Variants in TRANK1 observed in about 807,000 individuals in gnomAD.
The protein encoded by TRANK1 is TPR and ankyrin repeat-containing protein 1.
A neutral mutation model predicts 266.0 loss-of-function variants in TRANK1; 198 were observed. The observed-to-expected ratio is 0.74, with a 90% CI of 0.66 to 0.84. The LOEUF is 0.84. Among genes scored for constraint, TRANK1 ranks in the 40% least tolerant of loss-of-function variants. TRANK1 has a pLI of 0.00. For missense variants in TRANK1, 3,326 were observed against 3,634.6 expected, an observed-to-expected ratio of 0.92 and a Z score of 2.18; for synonymous variants, 1,396 against 1,384.1, an observed-to-expected ratio of 1.01 and a Z score of -0.19.
intron 8 of TRANK1, 108 bp from the exon 9 acceptor site, chr3:36,874,404 G>T: frequency 1.6e-6 from 2 of 1,230,032 alleles, no homozygotes; most frequent in Non-Finnish European, 2.2e-6. Flanking sequence ...AGGGCAAGAG[G>T]ACTAGGGTCT....
intron 10 of TRANK1, 80 bp from the exon 11 acceptor site, chr3:36,861,240 A>C (rs897828257): frequency 2.1e-6 from 3 of 1,444,304 alleles, no homozygotes; most frequent in African/African-American, 2.8e-5. Context: ...CCCAACATCC[A>C]TATATAATTA....
intron 8 of TRANK1, among the ~76,000 whole-genome samples, chr3:36,879,789 A>AAAT (rs2079467752): frequency 5.9e-5 from 4 of 67,392 alleles, no homozygotes; most frequent in Non-Finnish European, 8.1e-5. Flanking sequence ...TAAATATGTA[A>AAAT]ATATATAAAT....
intron 3 of TRANK1, among the ~76,000 whole-genome samples, chr3:36,900,865 A>AAAAAAAAAAAAAAAAG: frequency 6.8e-6 from 1 of 147,974 alleles, no homozygotes; most frequent in Non-Finnish European, 1.5e-5. Flanking sequence ...AAAAAAAAAA[A>AAAAAAAAAAAAAAAAG]AAAAAAAAAA....
At chr3:36,869,386 G>A (rs1370552649) in intron 9 of TRANK1, among the ~76,000 whole-genome samples, 1 of 152,236 alleles carries the variant, frequency 6.6e-6, no homozygotes, top group Non-Finnish European at 1.5e-5. Flanking sequence ...ACTTGAGGAA[G>A]AGTCAAGGGA....
chr3:36,910,335 A>G (rs1421429508), intron 1 of TRANK1, among the ~76,000 whole-genome samples: 7 of 152,238 alleles, frequency 4.6e-5, no homozygotes, highest in Non-Finnish European at 8.8e-5. Context: ...AGCCTCATGG[A>G]TGTTCACCAC....
intron 9 of TRANK1, among the ~76,000 whole-genome samples, chr3:36,870,748 T>G (rs567706168): frequency 2.6e-5 from 4 of 152,208 alleles, no homozygotes; most frequent in African/African-American, 9.6e-5. Flanking sequence ...AGTCCTCTCA[T>G]GCATGCTTTT....
At chr3:36,924,798 T>C (rs1011140579) in intron 1 of TRANK1, among the ~76,000 whole-genome samples, 4 of 152,084 alleles carry the variant, frequency 2.6e-5, no homozygotes, top group African/African-American at 7.2e-5. Context: ...TCCCACATGC[T>C]TGCCCCCTCT....
chr3:36,831,918 G>T lies in TRANK1; in HGVS notation c.7665C>A (p.Val2555=). 1 of 1,614,026 alleles carries T rather than the reference G, an allele frequency of 6.2e-7. No individual in the cohort carries two copies. The highest frequency in any genetic ancestry group is 8.5e-7 in the Non-Finnish European group (1 of 1,179,904). The change falls in exon 22 of 24, where the codon GTC becomes GTA. Residue 2555 remains valine (V), a synonymous_variant. Coordinates refer to ENST00000645898, the MANE Select transcript of TRANK1 (RefSeq NM_001329998.2). This position sits in a 1 kb window ranked among gnomAD's most constrained non-coding sequence, Gnocchi z 5.0. ...LDAFSEIDYV[V]SGEAERTLVL... Reference sequence around the variant, plus strand: ...CCAGTGTCCGCTCAGCCTCACCCGAGACCACATAGTCTATTTCACTGAAGG... The same window carrying T: ...CCAGTGTCCGCTCAGCCTCACCCGATACCACATAGTCTATTTCACTGAAGG...
intron 9 of TRANK1, among the ~76,000 whole-genome samples, chr3:36,866,444 G>T (rs963851121): frequency 2.0e-5 from 3 of 152,220 alleles, no homozygotes; most frequent in Non-Finnish European, 4.4e-5. Flanking sequence ...TAAGGAGGAA[G>T]ACCAGTAGGT....
chr3:36,927,544 A>G (rs969006079), intron 1 of TRANK1, among the ~76,000 whole-genome samples: 2 of 152,150 alleles, frequency 1.3e-5, no homozygotes, highest in Non-Finnish European at 2.9e-5. Flanking sequence ...ACCATCCTAT[A>G]AAATCCCCGG....
intron 15 of TRANK1, among the ~76,000 whole-genome samples, chr3:36,849,377 G>T (rs1231964803): frequency 6.6e-6 from 1 of 152,144 alleles, no homozygotes; most frequent in African/African-American, 2.4e-5. Context: ...AAAGCTTTGG[G>T]GTAGCCATTC....
At chr3:36,893,042 AG>A in intron 5 of TRANK1, 58 bp from the exon 6 acceptor site, 8 of 1,030,956 alleles carry the variant, frequency 7.8e-6, no homozygotes, top group South Asian at 2.2e-5. Flanking sequence ...AGGTTATTAA[AG>A]CAAAAAAGTT....
Position 36,903,261 on chromosome 3 carries a change from T to A in TRANK1, c.170A>T (p.Asp57Val). ...QLYQWGVPPR[D>V]LAVLLCNKSN... Reference sequence around the variant, plus strand: ...TTTGTTGCACAGCAGCACAGCCAAGTCCCTCGGGGGAACCCTGTAAGAACA... The same window carrying A: ...TTTGTTGCACAGCAGCACAGCCAAGACCCTCGGGGGAACCCTGTAAGAACA... The change falls in exon 3 of 24, where the codon GAC becomes GTC. Residue 57 changes from aspartate (D) to valine (V), a missense_variant. Physicochemically the swap from Asp to Val is radical, Grantham distance 152 (BLOSUM62 -3). Coordinates refer to ENST00000645898, the MANE Select transcript of TRANK1 (RefSeq NM_001329998.2). 1.3e-6 allele frequency: 2 copies of A among 1,537,274 alleles called. No individual in the cohort carries two copies. The highest frequency in any genetic ancestry group is 1.2e-5 in the South Asian group (1 of 84,056).
chr3:36,865,024 G>GTTTTTTTTTTTTTTTTTT (rs34540496), intron 9 of TRANK1, among the ~76,000 whole-genome samples: 4 of 119,798 alleles, frequency 3.3e-5, no homozygotes, highest in East Asian at 2.6e-4. Flanking sequence ...TGTTTTTTTG[G>GTTTTTTTTTTTTTTTTTT]TTTTTTTTTT....
At position 36,831,389 on chromosome 3, in the gene TRANK1, G is replaced by C; in HGVS notation, c.8194C>G (p.Leu2732Val). ...KLRRACLVVSLCISWRRRVGT... is the reference protein window; with the variant it reads ...KLRRACLVVSVCISWRRRVGT... ...ACTCTTCTCCTCCAACTGATGCACA[G>C]AGACACCACCAGGCATGCCCTCCTC... The change falls in exon 22 of 24, where the codon CTG becomes GTG. Residue 2732 changes from leucine (L) to valine (V), a missense_variant. Transcript: ENST00000645898. This position sits in a 1 kb window ranked among gnomAD's most constrained non-coding sequence, Gnocchi z 5.0. 6.2e-7 allele frequency: 1 copy of C among 1,613,222 alleles called. No homozygotes were observed. The highest frequency in any genetic ancestry group is 8.5e-7 in the Non-Finnish European group (1 of 1,179,576).
chr3:36,840,544 G>A (rs1297541786), intron 18 of TRANK1, among the ~76,000 whole-genome samples: 11 of 152,088 alleles, frequency 7.2e-5, no homozygotes, highest in African/African-American at 2.7e-4. Flanking sequence ...TTACCCTCCC[G>A]TCCAATCTAG....
At chr3:36,835,765 T>C (rs916047012) in intron 20 of TRANK1, among the ~76,000 whole-genome samples, 6 of 152,214 alleles carry the variant, frequency 3.9e-5, no homozygotes, top group Admixed American at 2.0e-4. Flanking sequence ...CATCTGAATG[T>C]TGGGCCTTTA....
At chr3:36,934,620 AC>A (rs1284420206) in intron 1 of TRANK1, among the ~76,000 whole-genome samples, 1 of 152,022 alleles carries the variant, frequency 6.6e-6, no homozygotes, top group East Asian at 1.9e-4. Context: ...TTCCTGTAGT[AC>A]CTGACAAGGC....
intron 2 of TRANK1, 115 bp downstream of exon 2, chr3:36,908,208 T>G (rs2080001503): frequency 8.8e-7 from 1 of 1,139,210 alleles, no homozygotes; most frequent in Non-Finnish European, 1.1e-6. Flanking sequence ...AAATAGGAAG[T>G]GAGCAATAAA....
Sources: allele counts gnomAD v4.1 joint callset (sites outside exome capture counted in the v4.1 genomes callset), GRCh38; gene constraint gnomAD v4.1.1; non-coding constraint Gnocchi (gnomAD v3.1); transcripts MANE v1.5; gene names NCBI Gene and HGNC (gene_info 2026-07-23, HGNC 2026-07-21).